The following GABRG3 variants were observed in gnomAD, a reference collection of about 807,000 sequenced individuals.
The protein encoded by GABRG3 is gamma-aminobutyric acid type A receptor subunit gamma3, also known as gamma-aminobutyric acid receptor subunit gamma-3.
In GABRG3, 25 loss-of-function variants were observed where a neutral mutation model predicts 48.8. The observed-to-expected ratio is 0.51, with a 90% CI of 0.37 to 0.72. GABRG3 has a LOEUF of 0.72. GABRG3 is among the 30% of genes least tolerant of loss of function. The pLI, the probability that GABRG3 is intolerant of heterozygous loss-of-function variation, is 0.00. For synonymous variants in GABRG3, 227 were observed against 217.6 expected (o/e 1.04, Z -0.38); for missense variants, 394 against 577.9 (o/e 0.68, Z 3.26).
intron 3 of GABRG3, among the ~76,000 whole-genome samples, chr15:27,221,401 A>G (rs530675278): frequency 6.6e-5 from 10 of 152,302 alleles, no homozygotes; most frequent in African/African-American, 2.4e-4. Flanking sequence ...ATTGATAACC[A>G]CATGATTTGA....
At chr15:27,175,304 G>A (rs139183665) in intron 3 of GABRG3, among the ~76,000 whole-genome samples, 62 of 152,290 alleles carry the variant, frequency 4.1e-4, no homozygotes, top group African/African-American at 1.4e-3. Context: ...GACAGCCTGT[G>A]GGGCTCAGGT....
chr15:27,530,931 T>C, intron 9 of GABRG3: 2 of 338,618 alleles, frequency 5.9e-6, no homozygotes, highest in Non-Finnish European at 5.9e-6. Flanking sequence ...CCGGAGGTTG[T>C]CAAAAGGAGG....
intron 3 of GABRG3, among the ~76,000 whole-genome samples, chr15:27,251,192 G>C (rs557817241): frequency 6.6e-6 from 1 of 152,078 alleles, no homozygotes; most frequent in African/African-American, 2.4e-5. Context: ...GTCTTTCCTC[G>C]GCCCAGATTT....
chr15:27,067,494 G>A (rs1015014655), intron 3 of GABRG3, among the ~76,000 whole-genome samples: 2 of 152,202 alleles, frequency 1.3e-5, no homozygotes, highest in South Asian at 4.1e-4. Flanking sequence ...CAGGGTGGCC[G>A]ACAACCGGGT....
chr15:27,506,958 T>C lies in GABRG3; in HGVS notation c.713-13014T>C, dbSNP rs142391223. Among the ~76,000 whole-genome samples the C allele has an allele frequency of 9.4e-4, 143 of 152,280 alleles. 1 individual carries two copies. Among genetic ancestry groups the C allele is most frequent in the African/African-American group, 2.8e-3 (116 of 41,570 alleles). ...TCTTTGCAATATTGCAATATAAGCA[T>C]TTAATGCTATAAATGTGCATCTATG... is the stretch of plus-strand genomic sequence containing the variant. On this transcript the variant is annotated intron_variant, in intron 6 of 9. Transcript: ENST00000615808.
At chr15:27,331,106 G>T (rs1392844421) in intron 5 of GABRG3, among the ~76,000 whole-genome samples, 1 of 152,158 alleles carries the variant, frequency 6.6e-6, no homozygotes, top group African/African-American at 2.4e-5. Flanking sequence ...ATGCAGTGGG[G>T]ATGTGGGGCA....
chr15:27,446,470 G>A (rs911744685), intron 5 of GABRG3, among the ~76,000 whole-genome samples: 6 of 151,966 alleles, frequency 3.9e-5, no homozygotes, highest in Non-Finnish European at 5.9e-5. Context: ...TTCAGCCACC[G>A]TCCATATATC....
At chr15:27,184,732 T>C (rs1888039129) in intron 3 of GABRG3, among the ~76,000 whole-genome samples, 1 of 152,224 alleles carries the variant, frequency 6.6e-6, no homozygotes, top group Admixed American at 6.5e-5. Context: ...TATGGGACCA[T>C]ACAGGTTGTG....
intron 3 of GABRG3, among the ~76,000 whole-genome samples, chr15:27,081,624 T>C (rs1240822340): frequency 6.6e-6 from 1 of 152,122 alleles, no homozygotes. Context: ...TATGGATCAC[T>C]GACTTACTCC....
chr15:27,284,039 G>A (rs1049130101), intron 3 of GABRG3, among the ~76,000 whole-genome samples: 2 of 152,050 alleles, frequency 1.3e-5, no homozygotes, highest in African/African-American at 2.4e-5. Context: ...TGTAACCTGG[G>A]GTGCAAGGGG....
chr15:27,275,000 C>T (rs540301401), intron 3 of GABRG3, among the ~76,000 whole-genome samples: 1 of 152,114 alleles, frequency 6.6e-6, no homozygotes, highest in Non-Finnish European at 1.5e-5. Flanking sequence ...CCGAGAGTTT[C>T]TAAACTGAAG....
At chr15:27,151,175 A>G (rs1425704809) in intron 3 of GABRG3, among the ~76,000 whole-genome samples, 1 of 152,188 alleles carries the variant, frequency 6.6e-6, no homozygotes, top group East Asian at 1.9e-4. Context: ...TGGTAAAGAT[A>G]GATAGATCCT....
At chr15:27,384,400 A>T (rs1895863214) in intron 5 of GABRG3, among the ~76,000 whole-genome samples, 1 of 152,146 alleles carries the variant, frequency 6.6e-6, no homozygotes, top group Admixed American at 6.6e-5. Context: ...CCTATCACAA[A>T]CCCACCTGCT....
At chr15:27,383,855 A>C (rs1895848916) in intron 5 of GABRG3, among the ~76,000 whole-genome samples, 1 of 152,208 alleles carries the variant, frequency 6.6e-6, no homozygotes, top group Admixed American at 6.5e-5. Context: ...ATATAATAAA[A>C]CAAAGTGTAT....
chr15:27,198,332 G>A (rs184550675), intron 3 of GABRG3, among the ~76,000 whole-genome samples: 9 of 152,224 alleles, frequency 5.9e-5, no homozygotes, highest in South Asian at 2.1e-4. Context: ...AAAAGTGGGC[G>A]AAGGATATGA....
intron 3 of GABRG3, among the ~76,000 whole-genome samples, chr15:27,176,281 C>G (rs1290289639): frequency 6.6e-6 from 1 of 152,210 alleles, no homozygotes; most frequent in Non-Finnish European, 1.5e-5. Context: ...CATGCTCCCA[C>G]AAAGCACTAG....
rs142887766 is a variant in GABRG3, at chr15:27,265,072, T to G, written c.271-61737T>G. ...CCACAGCCTAACAACCTTATAATAA[T>G]TAAAACTACATCCTTTAAACCACCC... On this transcript the variant is annotated intron_variant, in intron 3 of 9. Transcript: ENST00000615808. Among the ~76,000 whole-genome samples, 85 of 152,252 alleles carry G rather than the reference T, an allele frequency of 5.6e-4. 1 individual carries two copies. Among genetic ancestry groups the G allele is most frequent in the African/African-American group, 1.9e-3 (81 of 41,552 alleles).
At chr15:27,254,699 C>T (rs1337139944) in intron 3 of GABRG3, among the ~76,000 whole-genome samples, 1 of 152,068 alleles carries the variant, frequency 6.6e-6, no homozygotes, top group African/African-American at 2.4e-5. Flanking sequence ...TTTGTGAGAG[C>T]TCCCAAAGGC....
intron 3 of GABRG3, among the ~76,000 whole-genome samples, chr15:27,038,648 C>A (rs1484343464): frequency 6.6e-6 from 1 of 152,208 alleles, no homozygotes; most frequent in Non-Finnish European, 1.5e-5. Context: ...TTGTGAATGA[C>A]CTCCTCATAT....
Sources: allele counts gnomAD v4.1 joint callset (sites outside exome capture counted in the v4.1 genomes callset), GRCh38; gene constraint gnomAD v4.1.1; transcripts MANE v1.5; gene names NCBI Gene and HGNC (gene_info 2026-07-23, HGNC 2026-07-21).